Variants in HS3ST4 observed in about 807,000 individuals in gnomAD.
The protein encoded by HS3ST4 is heparan sulfate-glucosamine 3-sulfotransferase 4.
A neutral mutation model predicts 29.2 loss-of-function variants in HS3ST4; 17 were observed. The ratio of observed to expected loss-of-function variants is 0.58; its 90% CI spans 0.40 to 0.87. HS3ST4 has a LOEUF of 0.87. HS3ST4 is among the 40% of genes least tolerant of loss of function. The pLI is 0.00. For synonymous variants in HS3ST4, 314 were observed against 285.7 expected (o/e 1.10, Z -1.00); for missense variants, 627 against 634.5 (o/e 0.99, Z 0.13).
At chr16:26,022,393 A>C (rs923445647) in intron 1 of HS3ST4, among the ~76,000 whole-genome samples, 7 of 152,222 alleles carry the variant, frequency 4.6e-5, no homozygotes, top group Admixed American at 1.3e-4. Context: ...CTGCAATTAC[A>C]TAGTGGACAC....
At chr16:25,892,389 C>T (rs11862736) in intron 1 of HS3ST4, among the ~76,000 whole-genome samples, 7,530 of 152,236 alleles carry the variant, frequency 0.049, 615 homozygotes, top group African/African-American at 0.17. Context: ...AATTTAATCT[C>T]CTCTGTGTCT....
chr16:26,063,515 GAA>G (rs779275463), intron 1 of HS3ST4, among the ~76,000 whole-genome samples: 2 of 125,808 alleles, frequency 1.6e-5, no homozygotes, highest in Non-Finnish European at 1.7e-5. Flanking sequence ...TGTCTCTACT[GAA>G]AAAAAAAAAA....
At chr16:25,893,392 C>T (rs1968029293) in intron 1 of HS3ST4, among the ~76,000 whole-genome samples, 1 of 152,234 alleles carries the variant, frequency 6.6e-6, no homozygotes, top group Non-Finnish European at 1.5e-5. Context: ...CAGTTAGCAG[C>T]TTCTGTGGAC....
At chr16:25,787,782 A>G (rs1966859795) in intron 1 of HS3ST4, among the ~76,000 whole-genome samples, 1 of 152,228 alleles carries the variant, frequency 6.6e-6, no homozygotes, top group Admixed American at 6.5e-5. Flanking sequence ...GAGAAACAAA[A>G]TATTATGGAA....
chr16:25,734,554 G>A (rs1275290993), intron 1 of HS3ST4, among the ~76,000 whole-genome samples: 1 of 152,162 alleles, frequency 6.6e-6, no homozygotes, highest in Non-Finnish European at 1.5e-5. Context: ...CACTCTGTGA[G>A]GTGCTGGGGT....
intron 1 of HS3ST4, among the ~76,000 whole-genome samples, chr16:26,072,833 GTC>G (rs1898616938): frequency 6.6e-6 from 1 of 152,098 alleles, no homozygotes; most frequent in African/African-American, 2.4e-5. Context: ...AACTCTTATT[GTC>G]TAGTTACTAA....
intron 1 of HS3ST4, among the ~76,000 whole-genome samples, chr16:26,018,303 A>T (rs188649963): frequency 1.3e-5 from 2 of 152,326 alleles, no homozygotes; most frequent in Admixed American, 1.3e-4. Flanking sequence ...ACCAGGGTTT[A>T]TATCTTGTCA....
intron 1 of HS3ST4, among the ~76,000 whole-genome samples, chr16:25,833,317 A>G (rs978314562): frequency 6.6e-6 from 1 of 152,122 alleles, no homozygotes; most frequent in African/African-American, 2.4e-5. Context: ...TTGATCCAAG[A>G]TTGATCTTGG....
chr16:26,055,074 C>T (rs1391619576), intron 1 of HS3ST4, among the ~76,000 whole-genome samples: 1 of 151,926 alleles, frequency 6.6e-6, no homozygotes, highest in Non-Finnish European at 1.5e-5. Flanking sequence ...GCCAGATCAC[C>T]ATTATCTTTT....
chr16:26,029,027 T>A (rs571853935), intron 1 of HS3ST4: 2 of 152,370 alleles, frequency 1.3e-5, no homozygotes, highest in East Asian at 3.9e-4. Context: ...TCAGAAAATT[T>A]TAGGTTTCGG....
Position 25,697,064 on chromosome 16 carries a change from C to T in HS3ST4, c.734+3913C>T, listed in dbSNP as rs560400172. ...GATTTCTTCCCTTGTACCACACTGC[C>T]ACACATAAAGTACTAGGAAGCATAT... On this transcript the variant is annotated intron_variant, in intron 1 of 1. Coordinates refer to ENST00000331351, the MANE Select transcript of HS3ST4 (RefSeq NM_006040.3). Among the ~76,000 whole-genome samples the T allele has an allele frequency of 3.3e-5, 5 of 152,296 alleles. No homozygotes were observed. The East Asian group carries it at 9.7e-4, about 29-fold the overall frequency.
intron 1 of HS3ST4, among the ~76,000 whole-genome samples, chr16:25,795,340 C>A (rs35058114): frequency 0.13 from 19,355 of 152,036 alleles, 1,453 homozygotes; most frequent in East Asian, 0.23. Context: ...GCCTTTCTAC[C>A]CATGCATCTT....
intron 1 of HS3ST4, among the ~76,000 whole-genome samples, chr16:25,694,522 C>T (rs1966279262): frequency 6.6e-6 from 1 of 152,192 alleles, no homozygotes; most frequent in South Asian, 2.1e-4. Flanking sequence ...CTTCAAACAG[C>T]CCCTTCCTAT....
At chr16:26,021,122 A>T (rs1021263801) in intron 1 of HS3ST4, among the ~76,000 whole-genome samples, 1 of 152,250 alleles carries the variant, frequency 6.6e-6, no homozygotes, top group Non-Finnish European at 1.5e-5. Flanking sequence ...CTGCAAACAC[A>T]TACATGGTGA....
chr16:25,826,160 C>A (rs1308833002), intron 1 of HS3ST4: 2 of 152,200 alleles, frequency 1.3e-5, no homozygotes, highest in African/African-American at 4.8e-5. Flanking sequence ...AAGATGATCT[C>A]CTGCCCCTGC....
At chr16:25,939,863 A>G (rs1163380578) in intron 1 of HS3ST4, among the ~76,000 whole-genome samples, 1 of 152,192 alleles carries the variant, frequency 6.6e-6, no homozygotes, top group Non-Finnish European at 1.5e-5. Flanking sequence ...CCCAAATGCA[A>G]ATATTTAACG....
chr16:26,084,575 T>C (rs1469957141), intron 1 of HS3ST4, among the ~76,000 whole-genome samples: 1 of 152,170 alleles, frequency 6.6e-6, no homozygotes, highest in African/African-American at 2.4e-5. Context: ...CTTTATCTCC[T>C]GAGATCCTTA....
At chr16:26,029,900 C>A (rs1359138124) in intron 1 of HS3ST4, among the ~76,000 whole-genome samples, 1 of 152,140 alleles carries the variant, frequency 6.6e-6, no homozygotes, top group Admixed American at 6.5e-5. Flanking sequence ...AGGATATGTC[C>A]TTTCTTAACC....
chr16:26,130,558 T>G (rs184047408), intron 1 of HS3ST4, among the ~76,000 whole-genome samples: 39 of 152,288 alleles, frequency 2.6e-4, no homozygotes, highest in Admixed American at 2.4e-3. Flanking sequence ...AGACTAGCCA[T>G]GAAAGACATG....
Sources: gnomAD v4.1 joint callset for allele counts (sites outside exome capture counted in the v4.1 genomes callset) on GRCh38, gnomAD v4.1.1 for gene constraint, MANE v1.5 for transcripts, NCBI Gene and HGNC (gene_info 2026-07-23, HGNC 2026-07-21) for gene names.